CAPZB: variants seen among roughly 807,000 people sequenced by gnomAD.
The protein encoded by CAPZB is capping actin protein of muscle Z-line subunit beta.
Under a neutral mutation model 38.1 loss-of-function variants are expected in CAPZB, and 2 were observed. That is an observed-to-expected ratio of 0.05 (90% CI 0.02 to 0.17). The LOEUF is 0.17. CAPZB is among the 10% of genes least tolerant of loss of function. The pLI, the probability that CAPZB is intolerant of heterozygous loss-of-function variation, is 1.00. For missense variants in CAPZB, 161 were observed against 334.2 expected, an observed-to-expected ratio of 0.48 and a Z score of 4.04; for synonymous variants, 107 against 127.4, an observed-to-expected ratio of 0.84 and a Z score of 1.08.
In CAPZB at chr1:19,435,249, A is replaced by G. The variant is rs570282748; in HGVS notation, c.4-15499T>C. ...CTGGTGAACATCTTGCCAACAAGAC[A>G]TATTTCGCAAGCTCAAAACCTTTCT... On this transcript the variant is annotated intron_variant, in intron 1 of 8. Coordinates refer to ENST00000264202, the MANE Select transcript of CAPZB (RefSeq NM_004930.5). Among the ~76,000 whole-genome samples the G allele has an allele frequency of 9.2e-5, 14 of 152,348 alleles. No homozygotes were observed. The South Asian group carries it at 2.9e-3, about 32-fold the overall frequency.
intron 8 of CAPZB, among the ~76,000 whole-genome samples, chr1:19,343,471 G>A (rs1290197521): frequency 2.0e-5 from 3 of 152,340 alleles, no homozygotes; most frequent in East Asian, 3.9e-4. Context: ...CGACTCACAC[G>A]GTGCTGCTGG....
At chr1:19,378,264 G>A (rs933140385) in intron 4 of CAPZB, among the ~76,000 whole-genome samples, 1 of 152,212 alleles carries the variant, frequency 6.6e-6, no homozygotes, top group Non-Finnish European at 1.5e-5. Context: ...TCACGATGCA[G>A]GGGAACAGCA....
chr1:19,362,711 A>G (rs1326502298), intron 4 of CAPZB, among the ~76,000 whole-genome samples: 1 of 152,212 alleles, frequency 6.6e-6, no homozygotes, highest in African/African-American at 2.4e-5. Context: ...AGCTTTTCCT[A>G]GGCTTCTTTC....
intron 4 of CAPZB, chr1:19,374,319 G>A (rs1025476774): frequency 2.0e-5 from 3 of 152,276 alleles, no homozygotes; most frequent in Non-Finnish European, 4.4e-5. Flanking sequence ...GTGTCCCCAC[G>A]GGAGGATTCT....
At chr1:19,393,431 C>T (rs1163281250) in intron 2 of CAPZB, among the ~76,000 whole-genome samples, 1 of 152,196 alleles carries the variant, frequency 6.6e-6, no homozygotes, top group African/African-American at 2.4e-5. Context: ...TAGGGTATGG[C>T]GCACCTATTC....
At chr1:19,409,498 GC>G (rs2094348224) in intron 2 of CAPZB, among the ~76,000 whole-genome samples, 1 of 152,198 alleles carries the variant, frequency 6.6e-6, no homozygotes, top group African/African-American at 2.4e-5. Flanking sequence ...TCTGTGAATT[GC>G]CTATGTAGCC....
At chr1:19,351,576 A>G (rs2093991784) in intron 6 of CAPZB, among the ~76,000 whole-genome samples, 1 of 152,158 alleles carries the variant, frequency 6.6e-6, no homozygotes, top group East Asian at 1.9e-4. Context: ...AGCCTCTCAA[A>G]GTGCTGGAAC....
intron 8 of CAPZB, among the ~76,000 whole-genome samples, chr1:19,341,322 T>C (rs549248457): frequency 6.6e-6 from 1 of 152,238 alleles, no homozygotes; most frequent in South Asian, 2.1e-4. Context: ...GAGGTCAACA[T>C]GGCCAGCGGG....
intron 4 of CAPZB, among the ~76,000 whole-genome samples, chr1:19,378,041 C>G (rs12087597): frequency 0.12 from 18,021 of 152,194 alleles, 2,370 homozygotes; most frequent in African/African-American, 0.32. Flanking sequence ...AAAATCCATA[C>G]GGGCCTTTGG....
chr1:19,392,065 C>T (rs1199734999), intron 2 of CAPZB, among the ~76,000 whole-genome samples: 1 of 152,056 alleles, frequency 6.6e-6, no homozygotes, highest in Non-Finnish European at 1.5e-5. Context: ...TGCCTATAAT[C>T]CCAGCTACTC....
At chr1:19,464,678 T>C (rs893854567) in intron 1 of CAPZB, among the ~76,000 whole-genome samples, 16 of 152,220 alleles carry the variant, frequency 1.1e-4, no homozygotes, top group African/African-American at 3.6e-4. Flanking sequence ...GAATGGTACG[T>C]CCATACCATG....
At chr1:19,422,593 C>T (rs1220569242) in intron 1 of CAPZB, among the ~76,000 whole-genome samples, 1 of 151,978 alleles carries the variant, frequency 6.6e-6, no homozygotes, top group Non-Finnish European at 1.5e-5. Flanking sequence ...AAAAATTAGC[C>T]GGGCGTGGTG....
chr1:19,470,508 T>C (rs1201539152), intron 1 of CAPZB, among the ~76,000 whole-genome samples: 1 of 152,216 alleles, frequency 6.6e-6, no homozygotes, highest in Non-Finnish European at 1.5e-5. Flanking sequence ...TGAAAAAGGA[T>C]GTTCAAAGAT....
At chr1:19,404,506 T>C (rs1300566624) in intron 2 of CAPZB, among the ~76,000 whole-genome samples, 1 of 145,256 alleles carries the variant, frequency 6.9e-6, no homozygotes, top group Admixed American at 7.1e-5. Context: ...ATCACGCCAC[T>C]GTACTCCAGC....
In CAPZB at chr1:19,472,184, T is replaced by C. The variant is rs184605484; in HGVS notation, c.3+13252A>G. Among the ~76,000 whole-genome samples, 4 of 152,292 alleles carry C rather than the reference T, an allele frequency of 2.6e-5. No homozygotes were observed. The East Asian group carries it at 5.8e-4, about 22-fold the overall frequency. Reference sequence around the variant, plus strand: ...AGTGTTTAAGAAAATGCGAGGCCTGTTTCCCAGGAATATTACCTAGTGCAA... The same window carrying C: ...AGTGTTTAAGAAAATGCGAGGCCTGCTTCCCAGGAATATTACCTAGTGCAA... On this transcript the variant is annotated intron_variant, in intron 1 of 8. Transcript: ENST00000264202.
chr1:19,408,450 T>A (rs1202563851), intron 2 of CAPZB, among the ~76,000 whole-genome samples: 1 of 152,226 alleles, frequency 6.6e-6, no homozygotes, highest in Non-Finnish European at 1.5e-5. Flanking sequence ...CAAGTCCTAG[T>A]GAGCCTTCTC....
Position 19,370,129 on chromosome 1 carries a change from G to A in CAPZB, c.329+8411C>T, listed in dbSNP as rs560395019. Among the ~76,000 whole-genome samples the A allele has an allele frequency of 9.2e-5, 14 of 152,306 alleles. No homozygotes were observed. In the East Asian group the frequency reaches 1.9e-3, roughly 21 times the overall value. On this transcript the variant is annotated intron_variant, in intron 4 of 8. Transcript: ENST00000264202. ...GAGCCCGCACCCCACAGGCCTGTGC[G>A]CCTCTCCCCACTGCCCTGTCCTGTT...
In CAPZB at chr1:19,343,565, G is replaced by A. The variant is rs538294287; in HGVS notation, c.731+793C>T. On this transcript the variant is annotated intron_variant, in intron 8 of 8. Coordinates refer to ENST00000264202, the MANE Select transcript of CAPZB (RefSeq NM_004930.5). ...AGGGCCTCTGCGAGGAGTGCCAGAG[G>A]CCATGCAGCTCGGGATGACAGAGCT... 5.3e-5 allele frequency among the ~76,000 whole-genome samples: 8 copies of A among 152,240 alleles called. No individual in the cohort carries two copies. In the South Asian group the frequency reaches 1.4e-3, roughly 28 times the overall value.
chr1:19,341,592 A>T (rs1434624544), intron 8 of CAPZB, among the ~76,000 whole-genome samples: 3 of 151,954 alleles, frequency 2.0e-5, no homozygotes, highest in Non-Finnish European at 4.4e-5. Flanking sequence ...ACAGTGCTCG[A>T]CTCTGTGGGA....
Sources: allele counts gnomAD v4.1 joint callset (sites outside exome capture counted in the v4.1 genomes callset), GRCh38; gene constraint gnomAD v4.1.1; transcripts MANE v1.5; gene names NCBI Gene and HGNC (gene_info 2026-07-23, HGNC 2026-07-21).